TRPM6: variants seen among roughly 807,000 people sequenced by gnomAD.
TRPM6 encodes the protein channel kinase 2.
Under a neutral mutation model 247.6 loss-of-function variants are expected in TRPM6, and 111 were observed. The ratio of observed to expected loss-of-function variants is 0.45; its 90% CI spans 0.38 to 0.52. The LOEUF (loss-of-function observed/expected upper bound fraction) is 0.52. Among genes scored for constraint, TRPM6 ranks in the 20% least tolerant of loss-of-function variants. TRPM6 has a pLI of 0.00. For missense variants in TRPM6, 2,126 were observed against 2,421.5 expected (o/e 0.88, Z 2.56); for synonymous variants, 892 against 853.8 (o/e 1.04, Z -0.78).
At chr9:74,771,313 T>C (rs1421916338) in intron 25 of TRPM6, among the ~76,000 whole-genome samples, 1 of 152,234 alleles carries the variant, frequency 6.6e-6, no homozygotes. Flanking sequence ...TTATTTTTCT[T>C]CATAGCTCTT....
At chr9:74,761,863 T>G in intron 26 of TRPM6, 55 bp from the exon 27 acceptor site, 1 of 1,519,146 alleles carries the variant, frequency 6.6e-7, no homozygotes, top group Non-Finnish European at 9.1e-7. Flanking sequence ...GGGAACATTT[T>G]GTTTTACAGA....
At chr9:74,877,571 C>G (rs1831232436) in intron 1 of TRPM6, among the ~76,000 whole-genome samples, 1 of 152,160 alleles carries the variant, frequency 6.6e-6, no homozygotes, top group Non-Finnish European at 1.5e-5. Flanking sequence ...CCCCACATCT[C>G]CATATCCCTG....
intron 31 of TRPM6, among the ~76,000 whole-genome samples, chr9:74,744,507 T>A (rs1825970674): frequency 6.6e-6 from 1 of 152,138 alleles, no homozygotes; most frequent in Non-Finnish European, 1.5e-5. Context: ...CCTACCAAGA[T>A]GCAGTGCCCG....
intron 1 of TRPM6, among the ~76,000 whole-genome samples, chr9:74,861,392 A>T (rs571146060): frequency 4.3e-4 from 66 of 152,262 alleles, no homozygotes; most frequent in African/African-American, 1.5e-3. Flanking sequence ...CCAATTAACT[A>T]TTTTTTTAAT....
intron 23 of TRPM6, among the ~76,000 whole-genome samples, chr9:74,781,761 G>A (rs2118922724): frequency 6.6e-6 from 1 of 152,152 alleles, no homozygotes; most frequent in South Asian, 2.1e-4. Flanking sequence ...CGAACTTACT[G>A]CCTAATCACA....
chr9:74,855,638 A>G, intron 2 of TRPM6, 73 bp from the exon 3 acceptor site: 1 of 955,482 alleles, frequency 1.0e-6, no homozygotes, highest in South Asian at 1.3e-5. Context: ...TGTACAGTAA[A>G]TATCTATTAT....
chr9:74,854,734 G>T (rs932849200), intron 3 of TRPM6, among the ~76,000 whole-genome samples: 4 of 152,162 alleles, frequency 2.6e-5, no homozygotes, highest in African/African-American at 9.7e-5. Flanking sequence ...CGTAATCACA[G>T]CTCACTGAAG....
In TRPM6 at chr9:74,816,675, G is replaced by A. The variant is rs1227154805; in HGVS notation, c.1302C>T (p.His434=). The A allele has an allele frequency of 6.2e-7, 1 of 1,612,856 alleles. No individual in the cohort carries two copies. The highest frequency in any genetic ancestry group is 1.1e-5 in the South Asian group (1 of 91,054). The change falls in exon 11 of 39, where the codon CAC becomes CAT. Residue 434 remains histidine, a synonymous_variant. Transcript: ENST00000360774. The part of the protein sequence containing the change: ...AKKHILIYEQ[H]WKPDALEQAM... Reference sequence around the variant, plus strand: ...AACTTCATTTTCACTATACCTTCCAGTGTTGTTCATAAATTAGGATATGTT... The same window carrying A: ...AACTTCATTTTCACTATACCTTCCAATGTTGTTCATAAATTAGGATATGTT...
rs1826405959 is a variant in TRPM6 at position 74,755,595 on chromosome 9, C to T, written c.4786-122G>A. ...TAACACTGGCTGCATATGACAATTG[C>T]CTGGGAAGTGCTGACAAATCCCATC... is the stretch of plus-strand genomic sequence containing the variant. On this transcript the variant is annotated intron_variant, in intron 27 of 38. Transcript: ENST00000360774. The T allele has an allele frequency of 3.2e-6, 4 of 1,258,796 alleles. No individual in the cohort carries two copies. The Admixed American group carries it at 5.1e-5, about 16-fold the overall frequency. The allele number at this position is 1,258,796 out of a possible 1,614,324, so 78.0% of individuals were successfully genotyped here.
At position 74,724,722 on chromosome 9, in the gene TRPM6, G is replaced by T; in HGVS notation, c.5960C>A (p.Pro1987His). ...LPDLKRNDYS[P>H]ERINSTFGLE... ...TCCAAAGGTGGAATTTATCCTTTCA[G>T]GGGAATAGTCATTTCTTTTTAAATC... The change falls in exon 39 of 39, where the codon CCT (proline) becomes CAT (histidine). Residue 1987 changes from proline (P) to histidine (H), a missense_variant. Pro to His is a moderately conservative substitution (Grantham distance 77). Around this residue, in one of 3 missense-constraint regions of TRPM6, gnomAD observed 327 missense variants for 397.7 expected, o/e 0.82. Transcript: ENST00000360774. 1 of 1,614,130 alleles carries T rather than the reference G, an allele frequency of 6.2e-7. No homozygotes were observed. The highest frequency in any genetic ancestry group is 1.1e-5 in the South Asian group (1 of 91,088).
intron 11 of TRPM6, among the ~76,000 whole-genome samples, chr9:74,814,501 T>C (rs923159050): frequency 6.2e-4 from 94 of 152,310 alleles, no homozygotes; most frequent in African/African-American, 2.2e-3. Context: ...GGATACCTCA[T>C]TTACTTTGAT....
At chr9:74,847,387 G>T (rs1830146241) in intron 3 of TRPM6, among the ~76,000 whole-genome samples, 1 of 151,990 alleles carries the variant, frequency 6.6e-6, no homozygotes, top group Admixed American at 6.6e-5. Flanking sequence ...TTGCCATGTT[G>T]CCCAAGCTGA....
At chr9:74,746,663 A>G (rs922105622) in intron 31 of TRPM6, among the ~76,000 whole-genome samples, 2 of 152,248 alleles carry the variant, frequency 1.3e-5, no homozygotes, top group African/African-American at 4.8e-5. Flanking sequence ...GCATTCATAA[A>G]GATAATTCTG....
At chr9:74,872,551 C>T (rs1831058135) in intron 1 of TRPM6, among the ~76,000 whole-genome samples, 1 of 152,230 alleles carries the variant, frequency 6.6e-6, no homozygotes, top group Middle Eastern at 3.4e-3. Flanking sequence ...CTGCCTTATC[C>T]TCCCAAGTAG....
intron 25 of TRPM6, among the ~76,000 whole-genome samples, chr9:74,768,086 A>G (rs944485444): frequency 2.0e-5 from 3 of 152,176 alleles, no homozygotes; most frequent in African/African-American, 7.2e-5. Context: ...ACAATGCTTT[A>G]TGATGGTTAA....
At chr9:74,787,287 A>C (rs1827716440) in intron 20 of TRPM6, among the ~76,000 whole-genome samples, 1 of 150,924 alleles carries the variant, frequency 6.6e-6, no homozygotes, top group African/African-American at 2.4e-5. Context: ...GTGAGCCGAG[A>C]TCTCACCACT....
At chr9:74,727,020 A>G (rs1014869042) in intron 38 of TRPM6, among the ~76,000 whole-genome samples, 3 of 151,596 alleles carry the variant, frequency 2.0e-5, no homozygotes, top group African/African-American at 7.3e-5. Flanking sequence ...TGATCTCCCC[A>G]CCCCTGGCTG....
intron 21 of TRPM6, among the ~76,000 whole-genome samples, chr9:74,784,951 ATAAT>A: frequency 6.6e-6 from 1 of 152,212 alleles, no homozygotes; most frequent in East Asian, 1.9e-4. Flanking sequence ...GTCTATATAA[ATAAT>A]AAAAAATAAT....
At chr9:74,829,293 A>AAAAT (rs1026570271) in intron 6 of TRPM6, among the ~76,000 whole-genome samples, 19 of 152,174 alleles carry the variant, frequency 1.2e-4, no homozygotes, top group African/African-American at 3.9e-4. Context: ...CCCCATCTCA[A>AAAAT]AAATAAATAA....
Sources: allele counts gnomAD v4.1 joint callset (sites outside exome capture counted in the v4.1 genomes callset), GRCh38; gene constraint gnomAD v4.1.1; regional missense constraint gnomAD v4.1.1; transcripts MANE v1.5; gene names NCBI Gene and HGNC (gene_info 2026-07-23, HGNC 2026-07-21).